Variants in TNNT3 observed in about 807,000 individuals in gnomAD.
TNNT3 encodes troponin T3, fast skeletal type.
TNNT3 carries 36 observed loss-of-function variants against 54.2 expected under a neutral mutation model. That is an observed-to-expected ratio of 0.66 (90% confidence interval 0.51 to 0.88). The LOEUF is 0.88. Ranked by LOEUF, TNNT3 falls within the 40% of genes least tolerant of loss-of-function variation. TNNT3 has a pLI of 0.00. For missense variants in TNNT3, 291 were observed against 331.6 expected (o/e 0.88, Z 0.95); for synonymous variants, 120 against 109.7 (o/e 1.09, Z -0.59).
chr11:1,934,405 T>C lies in TNNT3; in HGVS notation c.440T>C (p.Leu147Pro). 6.2e-7 allele frequency: 1 copy of C among 1,613,666 alleles called. No individual in the cohort carries two copies. Among genetic ancestry groups the C allele is most frequent in the Non-Finnish European group, 8.5e-7 (1 of 1,179,878 alleles). Residue 147 changes from leucine to proline, a missense_variant, in exon 12 of 16, where the codon CTG (leucine) becomes CCG (proline). Physicochemically the swap from Leu to Pro is moderately conservative, Grantham distance 98. Coordinates refer to ENST00000278317, the MANE Select transcript of TNNT3 (RefSeq NM_006757.4). Reference sequence around the variant, plus strand: ...GACGACCTGAAGAAGAAGAAAGCTCTGTCTTCCATGGGAGCCAACTACAGC... The same window carrying C: ...GACGACCTGAAGAAGAAGAAAGCTCCGTCTTCCATGGGAGCCAACTACAGC... ...AEDDLKKKKA[L>P]SSMGANYSSY...
chr11:1,925,116 G>A lies in TNNT3; in HGVS notation c.67G>A (p.Glu23Lys). Residue 23 changes from glutamate to lysine, a missense_variant and splice_region_variant, in exon 5 of 16, where the codon GAG becomes AAG. Physicochemically the swap from Glu to Lys is moderately conservative, Grantham distance 56 (BLOSUM62 1). Coordinates refer to ENST00000278317, the MANE Select transcript of TNNT3 (RefSeq NM_006757.4). ...GCTCTCAGAGGAAGCCCAGGAGGAA[G>A]GTAAGTGGGGTCCAAGGCCCCGGCC... ...YEEEEEAQEE[E>K]EVQEDTAEED... The A allele has an allele frequency of 1.2e-6, 2 of 1,613,000 alleles. No homozygotes were observed. Among genetic ancestry groups the A allele is most frequent in the Non-Finnish European group, 1.7e-6 (2 of 1,179,910 alleles).
chr11:1,922,788 T>C (rs981661084), intron 1 of TNNT3, 69 bp from the exon 2 acceptor site: 59 of 1,513,768 alleles, frequency 3.9e-5, no homozygotes, highest in Non-Finnish European at 4.8e-5. Flanking sequence ...TCCCCCATCC[T>C]ACACCCAGGC....
At position 1,933,955 on chromosome 11, in the gene TNNT3, G is replaced by C; in HGVS notation, c.313G>C (p.Glu105Gln). Residue 105 changes from glutamate (E) to glutamine (Q), a missense_variant, in exon 11 of 16, where the codon GAG becomes CAG. Physicochemically the swap from Glu to Gln is conservative, Grantham distance 29. Coordinates refer to ENST00000278317, the MANE Select transcript of TNNT3 (RefSeq NM_006757.4). ...GGAGAAGCGCCGTGCAGAGAGAGCG[G>C]AGCAGCAGAGGATTCGTGCAGAGAA... is the stretch of plus-strand genomic sequence containing the variant. ...RIEKRRAERA[E>Q]QQRIRAEKER... 6.2e-7 allele frequency: 1 copy of C among 1,612,766 alleles called. No individual in the cohort carries two copies. The highest frequency in any genetic ancestry group is 1.1e-5 in the South Asian group (1 of 91,070).
At chr11:1,932,392 G>T in intron 8 of TNNT3, 77 bp from the exon 9 acceptor site, 16 of 1,464,006 alleles carry the variant, frequency 1.1e-5, no homozygotes, top group Middle Eastern at 2.2e-4. Context: ...GCAGGGGCCA[G>T]CGGGGAAAGC....
chr11:1,936,829 G>A (rs1186784441), intron 14 of TNNT3, 134 bp from the exon 15 acceptor site: 26 of 872,480 alleles, frequency 3.0e-5, no homozygotes, highest in South Asian at 2.7e-4. Context: ...TAAGGGAGCC[G>A]AGGAGCCCTC....
intron 8 of TNNT3, 148 bp from the exon 9 acceptor site, chr11:1,932,321 C>A: frequency 1.3e-6 from 1 of 792,696 alleles, no homozygotes; most frequent in East Asian, 2.4e-5. Flanking sequence ...AAAGCTGGGG[C>A]AAACGTGTCA....
intron 1 of TNNT3, among the ~76,000 whole-genome samples, chr11:1,922,092 C>T (rs1850238852): frequency 6.6e-6 from 1 of 151,816 alleles, no homozygotes; most frequent in African/African-American, 2.4e-5. Context: ...ATGCCTTGTA[C>T]AGAGCCCGGC....
rs375651524 is a variant in TNNT3 at position 1,922,909 on chromosome 11, G to A, written c.17+18G>A. The A allele has an allele frequency of 6.2e-7, 1 of 1,613,662 alleles. No homozygotes were observed. The highest frequency in any genetic ancestry group is 1.3e-5 in the African/African-American group (1 of 74,884). ...GAGGAAGTGTGAGTACCCAGCTGGT[G>A]GCTGCCCCCTGCCTGGCTCGGGACC... On this transcript the variant is annotated intron_variant, in intron 2 of 15. Coordinates refer to ENST00000278317, the MANE Select transcript of TNNT3 (RefSeq NM_006757.4).
intron 1 of TNNT3, among the ~76,000 whole-genome samples, chr11:1,919,978 G>C (rs1849724560): frequency 6.6e-6 from 1 of 152,192 alleles, no homozygotes; most frequent in African/African-American, 2.4e-5. Flanking sequence ...GTGGTGTGAT[G>C]GTCTCAGCAC....
In TNNT3 at chr11:1,933,365, C is replaced by A. The variant is rs558413309; in HGVS notation, c.172-356C>A. On this transcript the variant is annotated intron_variant, in intron 9 of 15. Transcript: ENST00000278317. ...TTCACATGCCTACCTATGTATCCAA[C>A]AATTTCTCTCACTCTGCAGTCTTCT... is the stretch of plus-strand genomic sequence containing the variant. Among the ~76,000 whole-genome samples, 14 of 152,296 alleles carry A rather than the reference C, an allele frequency of 9.2e-5. No individual in the cohort carries two copies. The South Asian group carries it at 1.5e-3, about 16-fold the overall frequency.
At chr11:1,931,957 G>A (rs750731923) in intron 8 of TNNT3, among the ~76,000 whole-genome samples, 13 of 152,168 alleles carry the variant, frequency 8.5e-5, no homozygotes, top group East Asian at 1.9e-4. Flanking sequence ...ACACCCAGCC[G>A]GAGAGGGGGC....
At chr11:1,921,587 A>AC (rs1346943510) in intron 1 of TNNT3, 2 of 151,908 alleles carry the variant, frequency 1.3e-5, no homozygotes, top group Admixed American at 1.3e-4. Flanking sequence ...GGAAAAAGCT[A>AC]CCCCCGTTGC....
At chr11:1,929,189 G>A (rs764215844) in intron 7 of TNNT3, 46 bp downstream of exon 7, 2 of 1,607,636 alleles carry the variant, frequency 1.2e-6, no homozygotes, top group Non-Finnish European at 1.7e-6. Context: ...CCTGGCTCTA[G>A]CCGACGCGAG....
In TNNT3 at chr11:1,938,578, C is replaced by A. The variant is rs200540491; in HGVS notation, c.*86C>A. 1.4e-6 allele frequency: 2 copies of A among 1,409,922 alleles called. No homozygotes were observed. The highest frequency in any genetic ancestry group is 2.0e-6 in the Non-Finnish European group (2 of 1,009,010). 87.3% of individuals were successfully genotyped at this position (1,409,922 alleles called of 1,614,324 possible). ...CGTGGGACTCCACATCCTCCAGCCC[C>A]CACAATCCTGTCAGGGGCTCCCTGA... On this transcript the variant is annotated 3_prime_UTR_variant, in exon 16 of 16. Coordinates refer to ENST00000278317, the MANE Select transcript of TNNT3 (RefSeq NM_006757.4).
At chr11:1,934,304 G>A (rs932171504) in intron 11 of TNNT3, 28 bp from the exon 12 acceptor site, 9 of 1,595,880 alleles carry the variant, frequency 5.6e-6, no homozygotes, top group Non-Finnish European at 6.9e-6. Flanking sequence ...CTCCATCCCT[G>A]AGCATCTTGG....
chr11:1,934,312 TGGGAATGGGGTCTCCACA>T lies in TNNT3; in HGVS notation c.367-17_367del. ...GCCCTCTCTCCATCCCTGAGCATCT[TGGGAATGGGGTCTCCACA>T]GGAGGAAAAGGCCAGAAGGGAGGAG... is the stretch of plus-strand genomic sequence containing the variant. On this transcript the variant is annotated splice_acceptor_variant and splice_polypyrimidine_tract_variant and intron_variant, in intron 11 of 15. Transcript: ENST00000278317. LOFTEE classifies it high-confidence loss of function. The T allele has an allele frequency of 6.2e-7, 1 of 1,601,760 alleles. No homozygotes were observed. The highest frequency in any genetic ancestry group is 1.1e-5 in the South Asian group (1 of 90,700).
chr11:1,921,023 G>A (rs373024350), intron 1 of TNNT3, among the ~76,000 whole-genome samples: 153 of 152,250 alleles, frequency 1.0e-3, no homozygotes, highest in African/African-American at 3.5e-3. Context: ...GGGTGTTGGG[G>A]CACCCATGTG....
At chr11:1,925,284 G>A in intron 5 of TNNT3, 168 bp downstream of exon 5, 1 of 1,598,534 alleles carries the variant, frequency 6.3e-7, no homozygotes, top group Non-Finnish European at 8.5e-7. Flanking sequence ...AAGGTATGAG[G>A]ACACAGGACT....
chr11:1,938,041 A>G (rs1855671779), intron 15 of TNNT3, among the ~76,000 whole-genome samples: 1 of 152,150 alleles, frequency 6.6e-6, no homozygotes, highest in Non-Finnish European at 1.5e-5. Flanking sequence ...ACCTCAGACA[A>G]ATGGGGCAGG....
Sources: gnomAD v4.1 joint callset for allele counts (sites outside exome capture counted in the v4.1 genomes callset) on GRCh38, gnomAD v4.1.1 for gene constraint, MANE v1.5 for transcripts, NCBI Gene and HGNC (gene_info 2026-07-23, HGNC 2026-07-21) for gene names.